DOCK5: variants seen among roughly 807,000 people sequenced by gnomAD.
DOCK5 encodes the protein dedicator of cytokinesis protein 5.
In DOCK5, 142 loss-of-function variants were observed where a neutral mutation model predicts 251.8. The ratio of observed to expected loss-of-function variants is 0.56; its 90% CI spans 0.49 to 0.65. The LOEUF (loss-of-function observed/expected upper bound fraction) is 0.65, where lower values mean the gene tolerates loss of function less well. Among genes scored for constraint, DOCK5 ranks in the 30% least tolerant of loss-of-function variants. The probability of loss-of-function intolerance (pLI) is 0.00; values close to 1 mark genes in which losing one functional copy is unlikely to be tolerated. For missense variants in DOCK5, 2,111 were observed against 2,312.3 expected, an observed-to-expected ratio of 0.91 and a Z score of 1.79; for synonymous variants, 842 against 835.5, an observed-to-expected ratio of 1.01 and a Z score of -0.13.
intron 36 of DOCK5, 136 bp from the exon 37 acceptor site, chr8:25,374,428 A>G (rs1388170528): frequency 2.5e-6 from 2 of 816,072 alleles, no homozygotes; most frequent in Non-Finnish European, 1.9e-6. Context: ...CCTGGGGCTT[A>G]AGGCTGCAGT....
chr8:25,296,252 A>G (rs1321187957), intron 6 of DOCK5, among the ~76,000 whole-genome samples: 1 of 152,240 alleles, frequency 6.6e-6, no homozygotes, highest in African/African-American at 2.4e-5. Flanking sequence ...AATCAGTGCC[A>G]ATTTTACTTT....
intron 25 of DOCK5, 126 bp from the exon 26 acceptor site, chr8:25,345,349 A>C (rs1800341309): frequency 7.5e-7 from 1 of 1,338,116 alleles, no homozygotes; most frequent in African/African-American, 1.4e-5. Context: ...GAGGGGCTGC[A>C]TCCCTGCAGG....
chr8:25,281,130 AAAG>A (rs1187086477), intron 5 of DOCK5, among the ~76,000 whole-genome samples: 6 of 152,084 alleles, frequency 3.9e-5, no homozygotes, highest in African/African-American at 1.2e-4. Flanking sequence ...TAGAATGAAG[AAAG>A]AAGTGAATGG....
rs780511258 is a variant in DOCK5 at position 25,310,475 on chromosome 8, G to T, written c.1261G>T (p.Val421Phe). ...TQVQKNFSHL[V>F]DRSTAIARKM... ...GGTTCAGAAGAATTTTTCACACTTGGTTGATAGATCAACAGCAATAGCCCG... is the reference window on the plus strand; with the variant it reads ...GGTTCAGAAGAATTTTTCACACTTGTTTGATAGATCAACAGCAATAGCCCG... Residue 421 changes from valine to phenylalanine, a missense_variant, in exon 13 of 52, where the codon GTT (valine) becomes TTT (phenylalanine). Physicochemically the swap from Val to Phe is conservative, Grantham distance 50. Transcript: ENST00000276440. 1 of 1,613,746 alleles carries T rather than the reference G, an allele frequency of 6.2e-7. No individual in the cohort carries two copies. Among genetic ancestry groups the T allele is most frequent in the Non-Finnish European group, 8.5e-7 (1 of 1,179,788 alleles).
At position 25,375,666 on chromosome 8, in the gene DOCK5, C is replaced by T. The variant is rs1388869492; in HGVS notation, c.3816+1012C>T. The T allele has an allele frequency of 3.1e-6, 3 of 980,358 alleles. No homozygotes were observed. In the Admixed American group the frequency reaches 1.8e-4, roughly 60 times the overall value. The allele number at this position is 980,358 out of a possible 1,614,324, so 60.7% of individuals were successfully genotyped here. ...AGTTTTGTTCTCAGCTATTAATATT[C>T]TTTTACAGTTTATATTTTATACTAA... On this transcript the variant is annotated intron_variant, in intron 37 of 51. Coordinates refer to ENST00000276440, the MANE Select transcript of DOCK5 (RefSeq NM_024940.8).
chr8:25,372,675 A>G lies in DOCK5; in HGVS notation c.3641A>G (p.Asp1214Gly), dbSNP rs1197370750. Residue 1214 changes from aspartate to glycine, a missense_variant, in exon 35 of 52, where the codon GAT becomes GGT. By Grantham distance (94) the Asp-to-Gly change is moderately conservative. Around this residue, in one of 3 missense-constraint regions of DOCK5, gnomAD observed 1,717 missense variants for 1,892.4 expected, o/e 0.91. Coordinates refer to ENST00000276440, the MANE Select transcript of DOCK5 (RefSeq NM_024940.8). ...GACTATAGAACCATCATCATGCAAG[A>G]TGAGAGCAAGGAGAACCGTATGAGC... ...LLDYRTIIMQ[D>G]ESKENRMSCT... The G allele has an allele frequency of 6.2e-7, 1 of 1,611,630 alleles. No individual in the cohort carries two copies.
intron 45 of DOCK5, among the ~76,000 whole-genome samples, chr8:25,399,451 C>T (rs1487322692): frequency 6.6e-6 from 1 of 152,170 alleles, no homozygotes; most frequent in African/African-American, 2.4e-5. Flanking sequence ...AGGAAAAAAG[C>T]GTGATATAGC....
At chr8:25,230,722 A>G (rs113344657) in intron 1 of DOCK5, among the ~76,000 whole-genome samples, 3 of 151,986 alleles carry the variant, frequency 2.0e-5, no homozygotes, top group African/African-American at 7.3e-5. Flanking sequence ...GTGGTGGTGC[A>G]TGCCTGTAAC....
intron 13 of DOCK5, 57 bp downstream of exon 13, chr8:25,310,589 A>G (rs371343115): frequency 1.3e-6 from 2 of 1,519,060 alleles, no homozygotes; most frequent in Middle Eastern, 3.6e-4. Context: ...ATTATTTCTT[A>G]TTGGACGGTG....
intron 20 of DOCK5, among the ~76,000 whole-genome samples, chr8:25,332,917 T>A (rs1192096165): frequency 2.0e-5 from 3 of 152,242 alleles, no homozygotes. Flanking sequence ...GATATGCTCT[T>A]TCTCATTAGA....
At chr8:25,239,691 G>A (rs964662419) in intron 1 of DOCK5, among the ~76,000 whole-genome samples, 1 of 152,170 alleles carries the variant, frequency 6.6e-6, no homozygotes, top group Non-Finnish European at 1.5e-5. Context: ...AATAGCAGCG[G>A]TGGCCCAGTT....
chr8:25,319,770 G>C, intron 15 of DOCK5, 94 bp downstream of exon 15: 1 of 869,558 alleles, frequency 1.2e-6, no homozygotes, highest in Non-Finnish European at 1.8e-6. Flanking sequence ...ACTTTATTTT[G>C]AAATTTTTAG....
At chr8:25,219,686 T>C (rs900260070) in intron 1 of DOCK5, among the ~76,000 whole-genome samples, 1 of 151,290 alleles carries the variant, frequency 6.6e-6, no homozygotes, top group Non-Finnish European at 1.5e-5. Context: ...TGTAGTAGTC[T>C]GTTGTCCTCT....
In DOCK5 at chr8:25,332,709, A is replaced by G; in HGVS notation, c.2091+17A>G. On this transcript the variant is annotated intron_variant, in intron 20 of 51. Coordinates refer to ENST00000276440, the MANE Select transcript of DOCK5 (RefSeq NM_024940.8). ...GACGCACTGGTAAGCAGTTAAACAT[A>G]TTAACTAGTGTTTATTGTTGCAACT... 6.3e-7 allele frequency: 1 copy of G among 1,576,706 alleles called. No homozygotes were observed. Among genetic ancestry groups the G allele is most frequent in the Non-Finnish European group, 8.7e-7 (1 of 1,154,940 alleles).
intron 37 of DOCK5, chr8:25,375,408 TA>T (rs202220993): frequency 8.6e-5 from 13 of 151,298 alleles, no homozygotes; most frequent in Non-Finnish European, 1.0e-4. Flanking sequence ...TTTCTTTCTT[TA>T]TTTTTTTTTT....
At chr8:25,397,754 A>G (rs1397934609) in intron 45 of DOCK5, among the ~76,000 whole-genome samples, 1 of 150,734 alleles carries the variant, frequency 6.6e-6, no homozygotes, top group Non-Finnish European at 1.5e-5. Flanking sequence ...AATATCTGTG[A>G]CTGACACATA....
At chr8:25,330,763 T>C (rs1805663053) in intron 18 of DOCK5, among the ~76,000 whole-genome samples, 1 of 151,222 alleles carries the variant, frequency 6.6e-6, no homozygotes, top group African/African-American at 2.5e-5. Flanking sequence ...AATTCATTGA[T>C]TGAAAAATAT....
At chr8:25,399,826 C>A in intron 45 of DOCK5, 85 bp from the exon 46 acceptor site, 1 of 1,015,956 alleles carries the variant, frequency 9.8e-7, no homozygotes, top group Non-Finnish European at 1.5e-6. Context: ...GGTTCTTCCG[C>A]ACAGGACACA....
intron 2 of DOCK5, among the ~76,000 whole-genome samples, chr8:25,245,974 T>A (rs1434756216): frequency 6.6e-6 from 1 of 152,250 alleles, no homozygotes; most frequent in East Asian, 1.9e-4. Flanking sequence ...TTGTAGTTTG[T>A]GTCTCTTTAT....
Sources: gnomAD v4.1 joint callset for allele counts (sites outside exome capture counted in the v4.1 genomes callset) on GRCh38, gnomAD v4.1.1 for gene constraint, gnomAD v4.1.1 regional missense constraint, MANE v1.5 for transcripts, NCBI Gene and HGNC (gene_info 2026-07-23, HGNC 2026-07-21) for gene names.